DGKB: variants seen among roughly 807,000 people sequenced by gnomAD.
The protein encoded by DGKB is diacylglycerol kinase beta.
A neutral mutation model predicts 114.3 loss-of-function variants in DGKB; 67 were observed. The ratio of observed to expected loss-of-function variants is 0.59; its 90% CI spans 0.48 to 0.72. The LOEUF is 0.72. Among genes scored for constraint, DGKB ranks in the 30% least tolerant of loss-of-function variants. DGKB has a pLI of 0.00. For missense variants in DGKB, 907 were observed against 975.2 expected (o/e 0.93, Z 0.93); for synonymous variants, 398 against 323.1 (o/e 1.23, Z -2.49).
chr7:14,931,034 T>G (rs1784989901), intron 1 of DGKB, among the ~76,000 whole-genome samples: 2 of 152,202 alleles, frequency 1.3e-5, no homozygotes, highest in Admixed American at 6.5e-5. Flanking sequence ...TGTTAAACCA[T>G]CTTGCATCAC....
At chr7:14,870,197 G>C (rs1176133284) in intron 1 of DGKB, among the ~76,000 whole-genome samples, 1 of 152,194 alleles carries the variant, frequency 6.6e-6, no homozygotes, top group East Asian at 1.9e-4. Context: ...ATACTCACTG[G>C]AGATCTTTAA....
chr7:14,394,669 T>TA (rs904665349), intron 21 of DGKB, among the ~76,000 whole-genome samples: 1 of 151,642 alleles, frequency 6.6e-6, no homozygotes, highest in Non-Finnish European at 1.5e-5. Context: ...AATGACCATT[T>TA]TTTTTTTATT....
intron 1 of DGKB, among the ~76,000 whole-genome samples, chr7:14,887,942 C>T (rs1022845528): frequency 1.3e-5 from 2 of 151,672 alleles, no homozygotes; most frequent in Non-Finnish European, 3.0e-5. Flanking sequence ...TCAATGGAGA[C>T]ATAAACTTCT....
chr7:14,242,643 GAA>G (rs1451100701), intron 23 of DGKB, among the ~76,000 whole-genome samples: 1 of 151,952 alleles, frequency 6.6e-6, no homozygotes, highest in African/African-American at 2.4e-5. Context: ...CCTGAAGGGA[GAA>G]AAAGTTATTC....
At chr7:14,347,295 C>G (rs1812643495) in intron 21 of DGKB, among the ~76,000 whole-genome samples, 1 of 151,954 alleles carries the variant, frequency 6.6e-6, no homozygotes, top group Non-Finnish European at 1.5e-5. Flanking sequence ...AGATAACAAG[C>G]ACTGGCAAGG....
chr7:14,780,310 G>A (rs1324302830), intron 2 of DGKB, among the ~76,000 whole-genome samples: 1 of 152,144 alleles, frequency 6.6e-6, no homozygotes, highest in Non-Finnish European at 1.5e-5. Context: ...TTAAATCTAG[G>A]AATTTTTGGT....
chr7:14,972,137 T>C (rs1194132715), intron 1 of DGKB, among the ~76,000 whole-genome samples: 1 of 152,032 alleles, frequency 6.6e-6, no homozygotes, highest in Non-Finnish European at 1.5e-5. Flanking sequence ...GTGAAAAAAA[T>C]TAGAGTCTGG....
intron 23 of DGKB, among the ~76,000 whole-genome samples, chr7:14,211,324 T>G (rs189532001): frequency 0.03 from 3,174 of 106,136 alleles, 345 homozygotes; most frequent in Middle Eastern, 0.045. Context: ...TGATATTTAC[T>G]CTCATGTTTT....
At chr7:14,472,454 C>G (rs1781560912) in intron 21 of DGKB, among the ~76,000 whole-genome samples, 1 of 152,154 alleles carries the variant, frequency 6.6e-6, no homozygotes, top group African/African-American at 2.4e-5. Flanking sequence ...AACTGTAAGT[C>G]CAATAAACCT....
At chr7:14,812,724 T>C (rs1843607700) in intron 2 of DGKB, among the ~76,000 whole-genome samples, 1 of 152,202 alleles carries the variant, frequency 6.6e-6, no homozygotes, top group African/African-American at 2.4e-5. Context: ...CTTCACTCTA[T>C]TAATTCTTCT....
At chr7:14,926,054 T>C (rs1255180265) in intron 1 of DGKB, among the ~76,000 whole-genome samples, 4 of 152,130 alleles carry the variant, frequency 2.6e-5, no homozygotes, top group Non-Finnish European at 5.9e-5. Context: ...CTTTACCAAA[T>C]TGAAAGAAAA....
intron 23 of DGKB, among the ~76,000 whole-genome samples, chr7:14,242,438 T>C (rs1413090708): frequency 1.3e-5 from 2 of 152,148 alleles, no homozygotes; most frequent in Non-Finnish European, 2.9e-5. Context: ...AGGTCACAAA[T>C]CCTGACAGCT....
chr7:14,742,812 G>C (rs1852071), intron 4 of DGKB, among the ~76,000 whole-genome samples: 97,942 of 152,102 alleles, frequency 0.64, 35,245 homozygotes, highest in Non-Finnish European at 0.81. Flanking sequence ...TGTGTAAGAA[G>C]AGTAAAATGT....
intron 1 of DGKB, among the ~76,000 whole-genome samples, chr7:14,851,549 C>T (rs1586911811): frequency 6.6e-6 from 1 of 152,124 alleles, no homozygotes; most frequent in South Asian, 2.1e-4. Flanking sequence ...GATACGATAC[C>T]TTTCATCTCA....
rs984611174 is a variant in DGKB, at chr7:14,146,476, A to G, written c.*2655T>C. 1.3e-5 allele frequency: 2 copies of G among 152,228 alleles called. No homozygotes were observed. The highest frequency in any genetic ancestry group is 2.9e-5 in the Non-Finnish European group (2 of 68,044). 9.4% of individuals were successfully genotyped at this position (152,228 alleles called of 1,614,324 possible). A position where few individuals can be genotyped will look rare whatever the true frequency, so the allele number is the denominator to read the frequency against. ...AATAGCTGAAAATTTATCTGCACAC[A>G]TAGAAGAGAAGTTTCCATCTTGTAA... On this transcript the variant is annotated 3_prime_UTR_variant, in exon 26 of 26. Coordinates refer to ENST00000402815, the MANE Select transcript of DGKB (RefSeq NM_001350709.2).
intron 1 of DGKB, among the ~76,000 whole-genome samples, chr7:14,868,046 C>T (rs1381551611): frequency 1.3e-5 from 2 of 152,066 alleles, no homozygotes; most frequent in Non-Finnish European, 2.9e-5. Flanking sequence ...GGATTGAATC[C>T]CAATTTTTAA....
At chr7:14,488,986 T>A (rs2128928409) in intron 20 of DGKB, among the ~76,000 whole-genome samples, 1 of 152,258 alleles carries the variant, frequency 6.6e-6, no homozygotes, top group Non-Finnish European at 1.5e-5. Context: ...ATTAAAAGTG[T>A]AATCCAACAT....
At chr7:14,390,689 AAT>A (rs1487716833) in intron 21 of DGKB, among the ~76,000 whole-genome samples, 1 of 152,180 alleles carries the variant, frequency 6.6e-6, no homozygotes, top group Non-Finnish European at 1.5e-5. Flanking sequence ...AAACAAAAAC[AAT>A]AGTGTTTCCA....
chr7:14,212,583 T>C (rs1788297260), intron 23 of DGKB, among the ~76,000 whole-genome samples: 1 of 152,048 alleles, frequency 6.6e-6, no homozygotes, highest in Non-Finnish European at 1.5e-5. Context: ...CCTTAGAAAT[T>C]CTCATTCACC....
Sources: allele counts gnomAD v4.1 joint callset (sites outside exome capture counted in the v4.1 genomes callset), GRCh38; gene constraint gnomAD v4.1.1; transcripts MANE v1.5; gene names NCBI Gene and HGNC (gene_info 2026-07-23, HGNC 2026-07-21).